B3GALT1: variants seen among roughly 807,000 people sequenced by gnomAD.
B3GALT1 encodes the protein beta-1,3-galactosyltransferase 1.
A neutral mutation model predicts 23.2 loss-of-function variants in B3GALT1; 10 were observed. The ratio of observed to expected loss-of-function variants is 0.43; its 90% CI spans 0.27 to 0.73. The LOEUF (loss-of-function observed/expected upper bound fraction) is 0.73, where lower values mean the gene tolerates loss of function less well. B3GALT1 is among the 30% of genes least tolerant of loss of function. B3GALT1 has a pLI of 0.21. For missense variants in B3GALT1, 299 were observed against 405.4 expected, an observed-to-expected ratio of 0.74 and a Z score of 2.25; for synonymous variants, 156 against 141.5, an observed-to-expected ratio of 1.10 and a Z score of -0.73.
At chr2:167,381,543 C>T (rs1198574582) in intron 1 of B3GALT1, among the ~76,000 whole-genome samples, 9 of 152,158 alleles carry the variant, frequency 5.9e-5, no homozygotes, top group Admixed American at 5.9e-4. Flanking sequence ...GAGACAGCAG[C>T]ATTCTTCGCA....
intron 3 of B3GALT1, among the ~76,000 whole-genome samples, chr2:167,732,561 C>T (rs775396789): frequency 1.9e-4 from 29 of 152,296 alleles, no homozygotes; most frequent in Non-Finnish European, 3.1e-4. Flanking sequence ...GCAGAACAAC[C>T]GCTTCCATTG....
intron 1 of B3GALT1, among the ~76,000 whole-genome samples, chr2:167,345,105 G>A (rs531708924): frequency 6.6e-6 from 1 of 152,166 alleles, no homozygotes; most frequent in Admixed American, 6.5e-5. Flanking sequence ...CTAAGTAAAT[G>A]ATGGCCACCA....
rs1007956102 is a variant in B3GALT1, at chr2:167,713,150, G to A, written c.-352+66184G>A. On this transcript the variant is annotated intron_variant, in intron 3 of 4. Transcript: ENST00000392690. ...ACTAATGAAACATAGATCTATTTAC[G>A]AACTCTTGTGCCCATTTCCAAAATC... Among the ~76,000 whole-genome samples the A allele has an allele frequency of 5.9e-5, 9 of 152,174 alleles. No homozygotes were observed. In the East Asian group the frequency reaches 9.6e-4, roughly 16 times the overall value.
intron 2 of B3GALT1, among the ~76,000 whole-genome samples, chr2:167,603,851 T>G (rs2105426160): frequency 6.6e-6 from 1 of 152,252 alleles, no homozygotes; most frequent in African/African-American, 2.4e-5. Flanking sequence ...AGGAGTGAGA[T>G]GTAAACATTT....
chr2:167,668,900 A>G (rs1686267584), intron 3 of B3GALT1, among the ~76,000 whole-genome samples: 1 of 152,160 alleles, frequency 6.6e-6, no homozygotes, highest in African/African-American at 2.4e-5. Flanking sequence ...TGCAGAGATC[A>G]CCCGTCTTCT....
chr2:167,671,045 A>G (rs1268648041), intron 3 of B3GALT1, among the ~76,000 whole-genome samples: 1 of 152,202 alleles, frequency 6.6e-6, no homozygotes, highest in Non-Finnish European at 1.5e-5. Flanking sequence ...CTACACTTTT[A>G]TCAGACAAAA....
At chr2:167,829,190 A>T (rs1302964138) in intron 4 of B3GALT1, among the ~76,000 whole-genome samples, 1 of 152,226 alleles carries the variant, frequency 6.6e-6, no homozygotes, top group Non-Finnish European at 1.5e-5. Context: ...TTCTAATAAA[A>T]ATAGATATCT....
Position 167,721,149 on chromosome 2 carries a change from T to C in B3GALT1, c.-352+74183T>C, listed in dbSNP as rs1158749678. ...AATGCTGTGCAGGTGTTATTCGTCATTGAAAATACACTCCGTTACAGACAA... is the reference window on the plus strand; with the variant it reads ...AATGCTGTGCAGGTGTTATTCGTCACTGAAAATACACTCCGTTACAGACAA... On this transcript the variant is annotated intron_variant, in intron 3 of 4. Transcript: ENST00000392690. Among the ~76,000 whole-genome samples the C allele has an allele frequency of 3.9e-5, 6 of 152,168 alleles. No homozygotes were observed. In the East Asian group the frequency reaches 9.6e-4, roughly 24 times the overall value.
At chr2:167,627,774 C>T (rs959099304) in intron 2 of B3GALT1, among the ~76,000 whole-genome samples, 1 of 151,556 alleles carries the variant, frequency 6.6e-6, no homozygotes, top group African/African-American at 2.4e-5. Context: ...TGTGGCTGTA[C>T]CCATTTGTGT....
At chr2:167,783,052 A>C (rs1688274696) in intron 3 of B3GALT1, among the ~76,000 whole-genome samples, 1 of 152,182 alleles carries the variant, frequency 6.6e-6, no homozygotes, top group Non-Finnish European at 1.5e-5. Context: ...AAAATAGGCT[A>C]TCTGCTGTGA....
chr2:167,656,428 T>C (rs998301302), intron 3 of B3GALT1, among the ~76,000 whole-genome samples: 1 of 152,182 alleles, frequency 6.6e-6, no homozygotes, highest in Admixed American at 6.5e-5. Flanking sequence ...AGGACCTTTT[T>C]TTCTTTAAGA....
intron 2 of B3GALT1, among the ~76,000 whole-genome samples, chr2:167,624,845 TA>T (rs1370969456): frequency 6.6e-6 from 1 of 152,056 alleles, no homozygotes; most frequent in Non-Finnish European, 1.5e-5. Flanking sequence ...ATCCAGTATT[TA>T]TAACTAGGAA....
intron 1 of B3GALT1, among the ~76,000 whole-genome samples, chr2:167,410,982 A>G (rs1158815699): frequency 1.3e-5 from 2 of 152,058 alleles, no homozygotes; most frequent in African/African-American, 2.4e-5. Context: ...CTTAAGAAAA[A>G]GGAGCATATA....
chr2:167,416,508 C>G (rs1698473320), intron 1 of B3GALT1, among the ~76,000 whole-genome samples: 2 of 152,330 alleles, frequency 1.3e-5, no homozygotes, highest in South Asian at 2.1e-4. Flanking sequence ...GGGCAAGGCC[C>G]CCAATAAAGG....
chr2:167,308,115 A>G (rs2105484218), intron 1 of B3GALT1, among the ~76,000 whole-genome samples: 1 of 152,166 alleles, frequency 6.6e-6, no homozygotes, highest in South Asian at 2.1e-4. Context: ...TTTTATAGGC[A>G]TTATATTATT....
chr2:167,439,184 G>A (rs1698838196), intron 1 of B3GALT1, among the ~76,000 whole-genome samples: 1 of 152,154 alleles, frequency 6.6e-6, no homozygotes, highest in African/African-American at 2.4e-5. Flanking sequence ...TGACATAGTA[G>A]TGATAAATTT....
At chr2:167,841,060 G>A (rs562646684) in intron 4 of B3GALT1, among the ~76,000 whole-genome samples, 1 of 150,744 alleles carries the variant, frequency 6.6e-6, no homozygotes, top group African/African-American at 2.4e-5. Flanking sequence ...AGCATTGGGA[G>A]ATATACCTAA....
rs561004485 is a variant in B3GALT1, at chr2:167,392,715, C to A, written c.-510-97462C>A. 7.9e-5 allele frequency among the ~76,000 whole-genome samples: 12 copies of A among 152,134 alleles called. No individual in the cohort carries two copies. The South Asian group carries it at 2.3e-3, about 29-fold the overall frequency. Reference sequence around the variant, plus strand: ...AACTTCAGTGTTTTTGGGGAAAAAACCCATAAATTATCACAAAAGAAGATT... The same window carrying A: ...AACTTCAGTGTTTTTGGGGAAAAAAACCATAAATTATCACAAAAGAAGATT... On this transcript the variant is annotated intron_variant, in intron 1 of 4. Transcript: ENST00000392690.
At chr2:167,751,359 C>T (rs1687735368) in intron 3 of B3GALT1, among the ~76,000 whole-genome samples, 1 of 152,138 alleles carries the variant, frequency 6.6e-6, no homozygotes. Flanking sequence ...GAGTAAAAGG[C>T]AGAAGAGGAC....
Sources: allele counts gnomAD v4.1 joint callset (sites outside exome capture counted in the v4.1 genomes callset), GRCh38; gene constraint gnomAD v4.1.1; transcripts MANE v1.5; gene names NCBI Gene and HGNC (gene_info 2026-07-23, HGNC 2026-07-21).